MOXD1: variants seen among roughly 807,000 people sequenced by gnomAD.
MOXD1 encodes monooxygenase DBH like 1, also known as DBH-like monooxygenase protein 1.
Under a neutral mutation model 66.6 loss-of-function variants are expected in MOXD1, and 62 were observed. The ratio of observed to expected loss-of-function variants is 0.93; its 90% confidence interval spans 0.76 to 1.15. The LOEUF (loss-of-function observed/expected upper bound fraction) is 1.15. MOXD1 is among the 50% of genes most tolerant of loss of function. MOXD1 has a pLI of 0.00. For missense variants in MOXD1, 847 were observed against 754.6 expected (o/e 1.12, Z -1.44); for synonymous variants, 303 against 281.9 (o/e 1.07, Z -0.75).
intron 4 of MOXD1, among the ~76,000 whole-genome samples, chr6:132,364,833 A>G (rs1229168497): frequency 6.6e-6 from 1 of 152,214 alleles, no homozygotes; most frequent in Non-Finnish European, 1.5e-5. Flanking sequence ...AGCCCTATGT[A>G]CAGACGGAAC....
In MOXD1 at chr6:132,365,482, A is replaced by T. The variant is rs116065524; in HGVS notation, c.663+7126T>A. 3.1e-3 allele frequency among the ~76,000 whole-genome samples: 479 copies of T among 152,324 alleles called. 3 individuals carry two copies. The highest frequency in any genetic ancestry group is 0.011 in the African/African-American group (450 of 41,562). On this transcript the variant is annotated intron_variant, in intron 4 of 11. Transcript: ENST00000367963. ...TCTTTTTGTTTTCGTCAAATCACAG[A>T]TATTTAGAAGTAGAAAGAGCCTATT... is the stretch of plus-strand genomic sequence containing the variant.
intron 10 of MOXD1, among the ~76,000 whole-genome samples, chr6:132,309,285 A>G (rs532124750): frequency 6.6e-6 from 1 of 152,294 alleles, no homozygotes; most frequent in South Asian, 2.1e-4. Flanking sequence ...TACAAAGAGA[A>G]TAAAATACCT....
intron 4 of MOXD1, among the ~76,000 whole-genome samples, chr6:132,371,348 G>C (rs1776259160): frequency 6.6e-6 from 1 of 152,100 alleles, no homozygotes; most frequent in East Asian, 1.9e-4. Flanking sequence ...TTCACCTGCA[G>C]TCACAGTCTC....
chr6:132,369,278 C>T (rs941841999), intron 4 of MOXD1, among the ~76,000 whole-genome samples: 2 of 152,058 alleles, frequency 1.3e-5, no homozygotes, highest in South Asian at 2.1e-4. Flanking sequence ...TGCTGTCAAT[C>T]GGAAAACGTT....
At chr6:132,298,001 A>G in intron 10 of MOXD1, 46 bp from the exon 11 acceptor site, 1 of 1,509,262 alleles carries the variant, frequency 6.6e-7, no homozygotes, top group East Asian at 2.3e-5. Flanking sequence ...CAAATGCATT[A>G]CATGTTTCCT....
Position 132,359,075 on chromosome 6 carries a change from A to G in MOXD1, c.663+13533T>C, listed in dbSNP as rs193006819. 4.6e-3 allele frequency among the ~76,000 whole-genome samples: 695 copies of G among 152,220 alleles called. 8 individuals are homozygous for G. The highest frequency in any genetic ancestry group is 0.016 in the African/African-American group (658 of 41,528). On this transcript the variant is annotated intron_variant, in intron 4 of 11. Coordinates refer to ENST00000367963, the MANE Select transcript of MOXD1 (RefSeq NM_015529.4). The stretch of plus-strand genomic sequence containing the variant: ...CTAGGGAAGACCTTGTCATTTCCAC[A>G]AGAACTGAAAGGCCATCGTCCTCTT...
intron 4 of MOXD1, among the ~76,000 whole-genome samples, chr6:132,355,573 G>A (rs904088641): frequency 2.6e-5 from 4 of 152,162 alleles, no homozygotes; most frequent in African/African-American, 9.7e-5. Flanking sequence ...AACAAGCCCA[G>A]TCTAGACTTC....
chr6:132,393,769 G>A (rs903687829), intron 1 of MOXD1, among the ~76,000 whole-genome samples: 1 of 152,194 alleles, frequency 6.6e-6, no homozygotes, highest in Non-Finnish European at 1.5e-5. Context: ...TATCCCTGGA[G>A]CCCAACTGAC....
At chr6:132,359,819 C>A (rs560588281) in intron 4 of MOXD1, among the ~76,000 whole-genome samples, 1 of 152,262 alleles carries the variant, frequency 6.6e-6, no homozygotes, top group South Asian at 2.1e-4. Context: ...TTTGTTAAAG[C>A]CACACAGGAG....
intron 4 of MOXD1, among the ~76,000 whole-genome samples, chr6:132,370,680 T>C (rs1054348961): frequency 2.6e-5 from 4 of 152,116 alleles, no homozygotes; most frequent in African/African-American, 9.7e-5. Flanking sequence ...TCCCTTTTGC[T>C]CAAGGTAAAT....
chr6:132,360,033 C>T (rs1475792643), intron 4 of MOXD1, among the ~76,000 whole-genome samples: 1 of 152,202 alleles, frequency 6.6e-6, no homozygotes, highest in Non-Finnish European at 1.5e-5. Context: ...GTTTAGCCAG[C>T]AGCTGTTAGC....
chr6:132,319,979 TATC>T (rs1775042983), intron 9 of MOXD1, among the ~76,000 whole-genome samples: 1 of 152,190 alleles, frequency 6.6e-6, no homozygotes, highest in Non-Finnish European at 1.5e-5. Flanking sequence ...AAGTTGGTCT[TATC>T]ATTAGATTTG....
intron 4 of MOXD1, among the ~76,000 whole-genome samples, chr6:132,353,056 A>G (rs1775834974): frequency 6.6e-6 from 1 of 152,162 alleles, no homozygotes; most frequent in South Asian, 2.1e-4. Context: ...AGTCTCCTGA[A>G]GGCAGCAGAT....
chr6:132,306,108 G>T (rs1774682803), intron 10 of MOXD1, among the ~76,000 whole-genome samples: 2 of 152,062 alleles, frequency 1.3e-5, no homozygotes, highest in Non-Finnish European at 2.9e-5. Flanking sequence ...AAGAAGCTAA[G>T]AACCTTCATA....
chr6:132,299,897 T>TCA (rs1311874400), intron 10 of MOXD1, among the ~76,000 whole-genome samples: 3 of 151,954 alleles, frequency 2.0e-5, no homozygotes, highest in African/African-American at 7.2e-5. Context: ...TCCCTCTCTC[T>TCA]CTCTCTCTCT....
intron 4 of MOXD1, among the ~76,000 whole-genome samples, chr6:132,365,538 C>G (rs1419751043): frequency 6.6e-6 from 1 of 152,176 alleles, no homozygotes; most frequent in African/African-American, 2.4e-5. Context: ...CTTTATCTTA[C>G]AGACAAGGAA....
At chr6:132,321,730 C>T (rs1449243936) in intron 8 of MOXD1, among the ~76,000 whole-genome samples, 1 of 152,116 alleles carries the variant, frequency 6.6e-6, no homozygotes, top group African/African-American at 2.4e-5. Context: ...TTGGAAAACC[C>T]CAGAGACATC....
intron 7 of MOXD1, 151 bp downstream of exon 7, chr6:132,323,780 G>T: frequency 2.4e-6 from 2 of 826,648 alleles, no homozygotes; most frequent in Non-Finnish European, 3.5e-6. Context: ...TAAAAAAGCA[G>T]TCAAAAGTCC....
chr6:132,303,835 G>GTATATATATATATATA (rs1158339059), intron 10 of MOXD1, among the ~76,000 whole-genome samples: 2 of 47,540 alleles, frequency 4.2e-5, no homozygotes, highest in Admixed American at 2.7e-4. Flanking sequence ...GTGTGTGTGT[G>GTATATATATATATATA]TATATATATA....
Sources: gnomAD v4.1 joint callset for allele counts (sites outside exome capture counted in the v4.1 genomes callset) on GRCh38, gnomAD v4.1.1 for gene constraint, MANE v1.5 for transcripts, NCBI Gene and HGNC (gene_info 2026-07-23, HGNC 2026-07-21) for gene names.